MUC4: variants seen among roughly 807,000 people sequenced by gnomAD.
MUC4 encodes mucin 4, cell surface associated.
MUC4 carries 202 observed loss-of-function variants against 257.9 expected under a neutral mutation model. The ratio of observed to expected loss-of-function variants is 0.78; its 90% CI spans 0.70 to 0.88. The LOEUF (loss-of-function observed/expected upper bound fraction) is 0.88, where lower values mean the gene tolerates loss of function less well. MUC4 is among the 40% of genes least tolerant of loss of function. The pLI is 0.00. For synonymous variants in MUC4, 2,351 were observed against 2,757.1 expected (o/e 0.85, Z 4.62); for missense variants, 5,976 against 6,513.7 (o/e 0.92, Z 2.84).
At position 195,781,947 on chromosome 3, in the gene MUC4, T is replaced by A; in HGVS notation, c.9633A>T (p.Thr3211=). Residue 3211 remains threonine (T), a synonymous_variant, in exon 2 of 25, where the codon ACA becomes ACT. Transcript: ENST00000463781. The part of the protein sequence containing the change: ...LLVTDASSAS[T]GQATPLPVTS... ...TGACAGGAAGAGGGGTGGCCTGACC[T>A]GTGGATGCTGAGGAAGCGTCGGTGA... 1 of 1,446,230 alleles carries A rather than the reference T, an allele frequency of 6.9e-7. No homozygotes were observed. The highest frequency in any genetic ancestry group is 2.5e-5 in the East Asian group (1 of 39,474). The allele number at this position is 1,446,230 out of a possible 1,614,324, so 89.6% of individuals were successfully genotyped here. A position where few individuals can be genotyped will look rare whatever the true frequency, so the allele number is the denominator to read the frequency against.
rs1299230090 is a variant in MUC4 at position 195,754,023 on chromosome 3, GCCTGCCTAGATTTCCCATA to G, written c.15328+171_15328+189del. ...ACACCATCCACCACCCCCTTTCCAG[GCCTGCCTAGATTTCCCATA>G]CCTGCCTAGATGATTTCCCACACCT... is the stretch of plus-strand genomic sequence containing the variant. On this transcript the variant is annotated intron_variant, in intron 19 of 24. Coordinates refer to ENST00000463781, the MANE Select transcript of MUC4 (RefSeq NM_018406.7). 1,420 of 727,686 alleles carry G rather than the reference GCCTGCCTAGATTTCCCATA, an allele frequency of 2.0e-3. 7 individuals are homozygous for G. Among genetic ancestry groups the G allele is most frequent in the Middle Eastern group, 7.0e-3 (21 of 2,980 alleles). 45.1% of individuals were successfully genotyped at this position (727,686 alleles called of 1,614,324 possible). A position where few individuals can be genotyped will look rare whatever the true frequency, so the allele number is the denominator to read the frequency against.
intron 23 of MUC4, chr3:195,750,110 T>G (rs1716067695): frequency 6.6e-6 from 1 of 152,298 alleles, no homozygotes; most frequent in Non-Finnish European, 1.5e-5. Flanking sequence ...AAACAGCAGT[T>G]CCTGTTGTGT....
chr3:195,775,589 C>T (rs866961724), intron 3 of MUC4, among the ~76,000 whole-genome samples: 7 of 63,994 alleles, frequency 1.1e-4, no homozygotes, highest in African/African-American at 7.5e-4. Flanking sequence ...ACCTTCCACA[C>T]CCATACCTTC....
At chr3:195,777,568 A>G (rs1441544874) in intron 3 of MUC4, among the ~76,000 whole-genome samples, 2 of 135,978 alleles carry the variant, frequency 1.5e-5, no homozygotes, top group African/African-American at 6.1e-5. Context: ...TACCTTCCAC[A>G]CCCATACCTT....
Position 195,780,217 on chromosome 3 carries a change from C to G in MUC4, c.11363G>C (p.Gly3788Ala), listed in dbSNP as rs781699196. The G allele has an allele frequency of 6.8e-7, 1 of 1,474,664 alleles. No homozygotes were observed. Among genetic ancestry groups the G allele is most frequent in the East Asian group, 2.5e-5 (1 of 39,936 alleles). 91.3% of individuals were successfully genotyped at this position (1,474,664 alleles called of 1,614,324 possible). Residue 3788 changes from glycine to alanine, a missense_variant, in exon 2 of 25, where the codon GGT becomes GCT. Transcript: ENST00000463781. The stretch of plus-strand genomic sequence containing the variant: ...GGTGACAGGAAGAGGGGTGGTGTCA[C>G]CTGTGGATGCTGAGGAAGCGTCGGT... ...PVTDASSAST[G>A]DTTPLPVTDT...
chr3:195,808,146 G>A (rs189927972), intron 1 of MUC4, among the ~76,000 whole-genome samples: 13 of 152,260 alleles, frequency 8.5e-5, no homozygotes, highest in Admixed American at 7.2e-4. Context: ...ACCCTGGGCC[G>A]ACACAAGTGC....
intron 5 of MUC4, 134 bp from the exon 6 acceptor site, chr3:195,770,505 T>C (rs1017246202): frequency 2.5e-5 from 25 of 992,978 alleles, no homozygotes; most frequent in Non-Finnish European, 3.7e-5. Flanking sequence ...CAGGCCTGCA[T>C]TTTTGCCGTG....
Position 195,757,524 on chromosome 3 carries a change from C to T in MUC4, c.14987-196G>A, listed in dbSNP as rs147269033. On this transcript the variant is annotated intron_variant, in intron 17 of 24. Coordinates refer to ENST00000463781, the MANE Select transcript of MUC4 (RefSeq NM_018406.7). The surrounding 1 kb of genome is among the most constrained non-coding windows in gnomAD (Gnocchi z 4.8). ...CGCTCCCAGCTGGAAGGACGTGGCA[C>T]CAGTCCAACATACTGATTGTAGCGG... 2.0e-5 allele frequency among the ~76,000 whole-genome samples: 3 copies of T among 152,210 alleles called. No individual in the cohort carries two copies. The highest frequency in any genetic ancestry group is 4.4e-5 in the Non-Finnish European group (3 of 68,002).
At chr3:195,800,147 G>A (rs2550267) in intron 1 of MUC4, among the ~76,000 whole-genome samples, 67,457 of 151,866 alleles carry the variant, frequency 0.44, 16,454 homozygotes, top group East Asian at 0.75. Context: ...GCATGGTGGC[G>A]TGCACCTGTA....
rs1165806067 is a variant in MUC4, at chr3:195,757,345, G to A, written c.14987-17C>T. On this transcript the variant is annotated splice_polypyrimidine_tract_variant and intron_variant, in intron 17 of 24. Coordinates refer to ENST00000463781, the MANE Select transcript of MUC4 (RefSeq NM_018406.7). The surrounding 1 kb of genome is among the most constrained non-coding windows in gnomAD (Gnocchi z 4.8). ...TCCCATTCTCTGCCCCGGGGAAGAT[G>A]AGAATGTTGAGAGCTGGGAGACTCC... The A allele has an allele frequency of 1.9e-6, 3 of 1,579,986 alleles. No homozygotes were observed. Among genetic ancestry groups the A allele is most frequent in the African/African-American group, 1.3e-5 (1 of 74,458 alleles).
chr3:195,765,717 TG>T (rs1357407926), intron 8 of MUC4, among the ~76,000 whole-genome samples: 2 of 152,242 alleles, frequency 1.3e-5, no homozygotes, highest in Non-Finnish European at 2.9e-5. Context: ...AAGGCTAAAA[TG>T]TCCTTCAACC....
chr3:195,760,534 G>A lies in MUC4; in HGVS notation c.14848+350C>T, dbSNP rs1311222209. On this transcript the variant is annotated intron_variant, in intron 16 of 24. Transcript: ENST00000463781. ...ATCCAGCGCTAGGATGGATGGAGGG[G>A]GCTGGGAAGGGGTCCAGCGCTAGGA... is the stretch of plus-strand genomic sequence containing the variant. Among the ~76,000 whole-genome samples the A allele has an allele frequency of 1.6e-4, 18 of 112,382 alleles. 2 individuals are homozygous for A. The South Asian group carries it at 3.4e-3, about 21-fold the overall frequency. 73.7% of individuals were successfully genotyped at this position (112,382 alleles called of 152,430 possible).
chr3:195,767,883 C>A (rs993462820), intron 7 of MUC4, among the ~76,000 whole-genome samples: 9 of 143,590 alleles, frequency 6.3e-5, no homozygotes, highest in African/African-American at 2.6e-4. Flanking sequence ...ACCATCACCA[C>A]CATCACCACC....
chr3:195,776,570 C>A (rs1724807923), intron 3 of MUC4, among the ~76,000 whole-genome samples: 1 of 36,356 alleles, frequency 2.8e-5, no homozygotes, highest in Non-Finnish European at 5.0e-5. Flanking sequence ...CGCACCCATA[C>A]CTTCCACACC....
chr3:195,811,620 C>A, intron 1 of MUC4, 116 bp downstream of exon 1: 1 of 878,292 alleles, frequency 1.1e-6, no homozygotes, highest in South Asian at 1.8e-5. Context: ...CGCTGTCTCC[C>A]TTTCCCCTAT....
chr3:195,747,034 G>T lies in MUC4; in HGVS notation c.*142C>A. 1.7e-6 allele frequency: 2 copies of T among 1,197,912 alleles called. No individual in the cohort carries two copies. Among genetic ancestry groups the T allele is most frequent in the Non-Finnish European group, 1.2e-6 (1 of 838,262 alleles). The allele number at this position is 1,197,912 out of a possible 1,614,324, so 74.2% of individuals were successfully genotyped here. ...TATGGATAAGGTATAGTCTTGTCTT[G>T]ATTCCCAGTATTCATTCTCCTTGAA... On this transcript the variant is annotated 3_prime_UTR_variant, in exon 25 of 25. Transcript: ENST00000463781.
intron 12 of MUC4, 120 bp downstream of exon 12, chr3:195,763,313 T>G: frequency 9.6e-7 from 1 of 1,038,366 alleles, no homozygotes. Flanking sequence ...ATGGGCTGTG[T>G]CCTCCCTCCC....
rs571323739 is a variant in MUC4, at chr3:195,770,215, C to T, written c.13398+1G>A. ...TGGGAGCTGCCCAGGGGTCTACTCA[C>T]CCCGAGGGTCCACTGGGCAGGATAG... is the stretch of plus-strand genomic sequence containing the variant. On this transcript the variant is annotated splice_donor_variant, in intron 6 of 24. Coordinates refer to ENST00000463781, the MANE Select transcript of MUC4 (RefSeq NM_018406.7). LOFTEE classifies it high-confidence loss of function. 7.5e-6 allele frequency: 12 copies of T among 1,604,036 alleles called. No homozygotes were observed. In the South Asian group the frequency reaches 1.3e-4, roughly 18 times the overall value.
Position 195,778,793 on chromosome 3 carries a change from G to T in MUC4, c.12787C>A (p.Pro4263Thr), listed in dbSNP as rs2688513. ...AGGCGAGGCAGTTGGCAGCTACCTG[G>T]TGTTTCCATCTTCAGAGGGGAGTCC... ...SSDSPLKMETPGMTTPSLKTD... is the reference protein window; with the variant it reads ...SSDSPLKMETTGMTTPSLKTD... Residue 4263 changes from proline to threonine, a missense_variant, in exon 2 of 25, where the codon CCA becomes ACA. Coordinates refer to ENST00000463781, the MANE Select transcript of MUC4 (RefSeq NM_018406.7). 6.3e-7 allele frequency: 1 copy of T among 1,586,544 alleles called. No homozygotes were observed. The highest frequency in any genetic ancestry group is 2.2e-5 in the East Asian group (1 of 44,744).
Sources: allele counts gnomAD v4.1 joint callset (sites outside exome capture counted in the v4.1 genomes callset), GRCh38; gene constraint gnomAD v4.1.1; non-coding constraint Gnocchi (gnomAD v3.1); transcripts MANE v1.5; gene names NCBI Gene and HGNC (gene_info 2026-07-23, HGNC 2026-07-21).